The following TESMIN variants were observed in gnomAD, a reference collection of about 807,000 sequenced individuals.
TESMIN encodes the protein CXC domain containing 2.
In TESMIN, 34 loss-of-function variants were observed where a neutral mutation model predicts 47.4. That is an observed-to-expected ratio of 0.72 (90% CI 0.55 to 0.96). TESMIN has a LOEUF of 0.96. Ranked by LOEUF, TESMIN falls within the 40% of genes least tolerant of loss-of-function variation. The probability of loss-of-function intolerance (pLI) is 0.00; values close to 1 mark genes in which losing one functional copy is unlikely to be tolerated. For synonymous variants in TESMIN, 278 were observed against 258.9 expected, an observed-to-expected ratio of 1.07 and a Z score of -0.71; for missense variants, 610 against 637.2, an observed-to-expected ratio of 0.96 and a Z score of 0.46.
intron 3 of TESMIN, among the ~76,000 whole-genome samples, chr11:68,746,194 C>CAG (rs1157546691): frequency 2.0e-5 from 3 of 149,728 alleles, no homozygotes; most frequent in East Asian, 2.0e-4. Flanking sequence ...CACACACACA[C>CAG]AGGAAAGGCT....
rs373653040 is a variant in TESMIN, at chr11:68,747,156, G to A, written c.630+52C>T. On this transcript the variant is annotated intron_variant, in intron 3 of 9. Coordinates refer to ENST00000255087, the MANE Select transcript of TESMIN (RefSeq NM_004923.3). ...GATCAGTCGACTTAGTAATGATGGG[G>A]TCCAGCATTTAGTATAATGTTAGTC... is the stretch of plus-strand genomic sequence containing the variant. The A allele has an allele frequency of 2.6e-6, 4 of 1,531,114 alleles. No homozygotes were observed. The African/African-American group carries it at 5.5e-5, about 21-fold the overall frequency. 94.8% of individuals were successfully genotyped at this position (1,531,114 alleles called of 1,614,324 possible). A position where few individuals can be genotyped will look rare whatever the true frequency, so the allele number is the denominator to read the frequency against.
At position 68,750,635 on chromosome 11, in the gene TESMIN, C is replaced by T. The variant is rs902977523; in HGVS notation, c.26G>A (p.Gly9Glu). 8 of 1,571,156 alleles carry T rather than the reference C, an allele frequency of 5.1e-6. No homozygotes were observed. The African/African-American group carries it at 9.6e-5, about 19-fold the overall frequency. Reference protein sequence around the residue: MEEGPLPGGLPSPEDAMVT... With the variant: MEEGPLPGELPSPEDAMVT... ...CATCGCATCCTCGGGGCTGGGCAGC[C>T]CGCCCGGCAGAGGGCCCTCCTCCAT... The change falls in exon 2 of 10, where the codon GGG becomes GAG. Residue 9 changes from glycine (G) to glutamate (E), a missense_variant. By Grantham distance (98) the Gly-to-Glu change is moderately conservative (BLOSUM62 -2). Transcript: ENST00000255087.
At chr11:68,723,462 TAAA>T (rs201374225) in intron 6 of TESMIN, among the ~76,000 whole-genome samples, 2 of 90,482 alleles carry the variant, frequency 2.2e-5, no homozygotes, top group African/African-American at 4.2e-5. Context: ...GTGCATTTCC[TAAA>T]AAAAAAAAAA....
At chr11:68,746,644 C>T (rs966142806) in intron 3 of TESMIN, among the ~76,000 whole-genome samples, 3 of 152,160 alleles carry the variant, frequency 2.0e-5, no homozygotes, top group Non-Finnish European at 4.4e-5. Context: ...GTCCCAGATG[C>T]ACCACTTAAT....
At chr11:68,748,268 A>G (rs1209660354) in intron 2 of TESMIN, among the ~76,000 whole-genome samples, 2 of 152,276 alleles carry the variant, frequency 1.3e-5, no homozygotes, top group Non-Finnish European at 2.9e-5. Context: ...CAAACAAATC[A>G]TATTTCCCAT....
At chr11:68,715,988 G>A in intron 6 of TESMIN, 49 bp from the exon 7 acceptor site, 1 of 1,256,358 alleles carries the variant, frequency 8.0e-7, no homozygotes. Flanking sequence ...GGCACAGTGA[G>A]TAGTGAAAAG....
chr11:68,740,496 G>T (rs1946443340), intron 5 of TESMIN, among the ~76,000 whole-genome samples: 1 of 152,162 alleles, frequency 6.6e-6, no homozygotes. Flanking sequence ...AGAGGTGAAA[G>T]AGCAAGTACA....
chr11:68,720,624 C>T (rs1466074195), intron 6 of TESMIN, among the ~76,000 whole-genome samples: 10 of 152,182 alleles, frequency 6.6e-5, no homozygotes, highest in South Asian at 2.1e-4. Context: ...TCGTGCTGCT[C>T]CAGCCACTCT....
chr11:68,750,765 G>A lies in TESMIN; in HGVS notation c.-39-66C>T, dbSNP rs566803726. On this transcript the variant is annotated intron_variant, in intron 1 of 9. Transcript: ENST00000255087. ...ACGAGGGGAGGGGCGGCCAGGAAAG[G>A]GGACAGCCAAGGGAGGGGCAGCCAA... is the stretch of plus-strand genomic sequence containing the variant. The A allele has an allele frequency of 1.7e-5, 13 of 758,974 alleles. No homozygotes were observed. In the Admixed American group the frequency reaches 3.6e-4, roughly 21 times the overall value. 47.0% of individuals were successfully genotyped at this position (758,974 alleles called of 1,614,324 possible). A position where few individuals can be genotyped will look rare whatever the true frequency, so the allele number is the denominator to read the frequency against.
Position 68,708,261 on chromosome 11 carries a change from A to C in TESMIN, c.*47T>G. 1.3e-6 allele frequency: 2 copies of C among 1,505,196 alleles called. No individual in the cohort carries two copies. Among genetic ancestry groups the C allele is most frequent in the Non-Finnish European group, 1.8e-6 (2 of 1,115,990 alleles). 93.2% of individuals were successfully genotyped at this position (1,505,196 alleles called of 1,614,324 possible). A position where few individuals can be genotyped will look rare whatever the true frequency, so the allele number is the denominator to read the frequency against. On this transcript the variant is annotated 3_prime_UTR_variant, in exon 10 of 10. Coordinates refer to ENST00000255087, the MANE Select transcript of TESMIN (RefSeq NM_004923.3). ...CCCCTAAACATCCTTTCTAAACTAG[A>C]GATTTCTAGACTAAGACAAAATCAA...
intron 1 of TESMIN, among the ~76,000 whole-genome samples, chr11:68,750,980 G>A (rs1348419407): frequency 1.6e-5 from 2 of 121,654 alleles, no homozygotes; most frequent in Non-Finnish European, 3.5e-5. Flanking sequence ...GAGCGACCAG[G>A]GGAGGCGGTC....
At chr11:68,734,378 A>AC (rs1946363005) in intron 6 of TESMIN, among the ~76,000 whole-genome samples, 1 of 152,180 alleles carries the variant, frequency 6.6e-6, no homozygotes, top group Non-Finnish European at 1.5e-5. Context: ...TGCACATTAA[A>AC]CCATCGGGAG....
At chr11:68,746,874 G>A (rs138414549) in intron 3 of TESMIN, among the ~76,000 whole-genome samples, 1 of 152,316 alleles carries the variant, frequency 6.6e-6, no homozygotes, top group African/African-American at 2.4e-5. Flanking sequence ...GAAGCCACAG[G>A]ACCGTGCCCC....
intron 6 of TESMIN, among the ~76,000 whole-genome samples, chr11:68,722,328 A>G (rs983517641): frequency 6.6e-6 from 1 of 152,184 alleles, no homozygotes. Flanking sequence ...AAAGTTCTGG[A>G]AAAATTCAGT....
intron 6 of TESMIN, among the ~76,000 whole-genome samples, chr11:68,726,424 G>A (rs1032329324): frequency 1.3e-5 from 2 of 152,162 alleles, no homozygotes; most frequent in East Asian, 3.9e-4. Flanking sequence ...CTCAAAACAA[G>A]CCTCAAAGAA....
intron 8 of TESMIN, among the ~76,000 whole-genome samples, chr11:68,712,103 C>T (rs942811535): frequency 3.3e-5 from 5 of 152,358 alleles, no homozygotes; most frequent in East Asian, 3.9e-4. Flanking sequence ...CTAGTCTACA[C>T]GAATGCCAGA....
intron 6 of TESMIN, among the ~76,000 whole-genome samples, chr11:68,731,643 G>A (rs181288024): frequency 2.6e-5 from 4 of 152,284 alleles, no homozygotes; most frequent in Middle Eastern, 3.4e-3. Flanking sequence ...TATTGATGGC[G>A]ATGATGCCAC....
At chr11:68,711,316 GGT>G (rs897193309) in intron 8 of TESMIN, among the ~76,000 whole-genome samples, 17 of 147,012 alleles carry the variant, frequency 1.2e-4, no homozygotes, top group Admixed American at 4.8e-4. Context: ...GTGTGTGTGG[GGT>G]GTGTGTGTGT....
At chr11:68,728,631 T>TAGAGA (rs1946292369) in intron 6 of TESMIN, among the ~76,000 whole-genome samples, 1 of 152,228 alleles carries the variant, frequency 6.6e-6, no homozygotes. Flanking sequence ...CTTTTGCAGC[T>TAGAGA]AGAGAAGAGA....
Sources: gnomAD v4.1 joint callset for allele counts (sites outside exome capture counted in the v4.1 genomes callset) on GRCh38, gnomAD v4.1.1 for gene constraint, MANE v1.5 for transcripts, NCBI Gene and HGNC (gene_info 2026-07-23, HGNC 2026-07-21) for gene names.